The following NCKAP5 variants were observed in gnomAD, a reference collection of about 807,000 sequenced individuals.
NCKAP5 encodes NCK associated protein 5.
In NCKAP5, 92 loss-of-function variants were observed where a neutral mutation model predicts 167.0. The observed-to-expected ratio is 0.55, with a 90% CI of 0.47 to 0.66. The LOEUF (loss-of-function observed/expected upper bound fraction) is 0.66. Among genes scored for constraint, NCKAP5 ranks in the 30% least tolerant of loss-of-function variants. The pLI, the probability that NCKAP5 is intolerant of heterozygous loss-of-function variation, is 0.00. For missense variants in NCKAP5, 2,378 were observed against 2,315.0 expected (o/e 1.03, Z -0.56); for synonymous variants, 891 against 877.4 (o/e 1.02, Z -0.27).
chr2:133,544,070 T>C (rs1365906482), intron 2 of NCKAP5, among the ~76,000 whole-genome samples: 1 of 152,252 alleles, frequency 6.6e-6, no homozygotes, highest in Non-Finnish European at 1.5e-5. Context: ...TAGAAATAGC[T>C]GATGATTTGT....
At chr2:133,356,294 G>A (rs1684712557) in intron 3 of NCKAP5, among the ~76,000 whole-genome samples, 1 of 152,116 alleles carries the variant, frequency 6.6e-6, no homozygotes. Flanking sequence ...CAACCTCTCA[G>A]GGGTACTGTG....
At chr2:133,521,570 G>C (rs1289762388) in intron 2 of NCKAP5, among the ~76,000 whole-genome samples, 1 of 152,218 alleles carries the variant, frequency 6.6e-6, no homozygotes, top group Non-Finnish European at 1.5e-5. Context: ...TGCTAGCAGA[G>C]TTAGTTTCTG....
intron 4 of NCKAP5, among the ~76,000 whole-genome samples, chr2:133,268,607 T>C (rs534701527): frequency 2.0e-5 from 3 of 149,950 alleles, no homozygotes; most frequent in Admixed American, 6.7e-5. Flanking sequence ...CTCAGCCTCC[T>C]GAGTAGCTGG....
chr2:133,134,175 C>A (rs777788418), intron 5 of NCKAP5, among the ~76,000 whole-genome samples: 6 of 152,184 alleles, frequency 3.9e-5, no homozygotes, highest in Non-Finnish European at 8.8e-5. Context: ...CCACAACCAT[C>A]CACATGTGGT....
At chr2:132,849,295 A>T (rs545657526) in intron 11 of NCKAP5, among the ~76,000 whole-genome samples, 1 of 152,262 alleles carries the variant, frequency 6.6e-6, no homozygotes, top group African/African-American at 2.4e-5. Flanking sequence ...AATCCAGGGC[A>T]TTTCCAACTC....
At chr2:132,817,474 C>A (rs1686368091) in intron 11 of NCKAP5, among the ~76,000 whole-genome samples, 1 of 152,078 alleles carries the variant, frequency 6.6e-6, no homozygotes, top group South Asian at 2.1e-4. Context: ...TTTTAAATCT[C>A]ATTTTTCTCA....
the NCKAP5 span, among the ~76,000 whole-genome samples, chr2:133,583,572 A>G: frequency 2.6e-5 from 4 of 152,178 alleles, no homozygotes; most frequent in African/African-American, 7.2e-5. Context: ...CTAATACAAT[A>G]TATAAGGAAG....
intron 3 of NCKAP5, among the ~76,000 whole-genome samples, chr2:133,332,753 C>A (rs1429997777): frequency 1.3e-5 from 2 of 152,164 alleles, no homozygotes; most frequent in African/African-American, 4.8e-5. Context: ...TTTTACCCTG[C>A]TATTTGCTCT....
At chr2:133,314,942 C>G (rs1681494415) in intron 3 of NCKAP5, among the ~76,000 whole-genome samples, 1 of 152,112 alleles carries the variant, frequency 6.6e-6, no homozygotes, top group Non-Finnish European at 1.5e-5. Flanking sequence ...GTAAAGGACT[C>G]TAGGGGCAGG....
chr2:132,673,345 T>C (rs1338963272), intron 19 of NCKAP5, 40 bp from the exon 20 acceptor site: 1 of 1,380,704 alleles, frequency 7.2e-7, no homozygotes, highest in Non-Finnish European at 9.8e-7. Context: ...CATATTTCTT[T>C]GGAAAATCAA....
intron 10 of NCKAP5, among the ~76,000 whole-genome samples, chr2:132,862,696 A>G (rs1690008046): frequency 6.6e-6 from 1 of 150,458 alleles, no homozygotes; most frequent in South Asian, 2.1e-4. Context: ...GGAGGCAAAG[A>G]TTGCCGTCAG....
intron 6 of NCKAP5, among the ~76,000 whole-genome samples, chr2:133,023,508 A>G (rs2078598344): frequency 6.6e-6 from 1 of 152,182 alleles, no homozygotes; most frequent in Non-Finnish European, 1.5e-5. Flanking sequence ...ACATGGGTAT[A>G]TTGCATAAAG....
At chr2:132,948,047 T>A (rs1331937368) in intron 8 of NCKAP5, among the ~76,000 whole-genome samples, 1 of 151,786 alleles carries the variant, frequency 6.6e-6, no homozygotes, top group East Asian at 1.9e-4. Context: ...GCCTCTTGGA[T>A]GCTCAAGGGA....
intron 8 of NCKAP5, among the ~76,000 whole-genome samples, chr2:132,918,264 G>A (rs980562479): frequency 6.6e-6 from 1 of 151,990 alleles, no homozygotes. Flanking sequence ...AGGAAAGGCT[G>A]GTTTTTTTCT....
intron 3 of NCKAP5, among the ~76,000 whole-genome samples, chr2:133,472,534 G>A (rs981333198): frequency 6.6e-6 from 1 of 151,880 alleles, no homozygotes; most frequent in Non-Finnish European, 1.5e-5. Context: ...GGGTTCTCTT[G>A]GGTTTCATGC....
At chr2:133,383,794 T>C (rs989637078) in intron 3 of NCKAP5, among the ~76,000 whole-genome samples, 3 of 152,238 alleles carry the variant, frequency 2.0e-5, no homozygotes, top group African/African-American at 7.2e-5. Context: ...GTGGTTTTGA[T>C]TTGCATTTCT....
chr2:133,355,868 G>A (rs1472204114), intron 3 of NCKAP5, among the ~76,000 whole-genome samples: 1 of 151,846 alleles, frequency 6.6e-6, no homozygotes, highest in African/African-American at 2.4e-5. Flanking sequence ...TGATCTTTGA[G>A]CAAAAGTACC....
Position 132,734,235 on chromosome 2 carries a change from G to C in NCKAP5, c.5129-2184C>G, listed in dbSNP as rs1391169320. Among the ~76,000 whole-genome samples the C allele has an allele frequency of 2.6e-5, 4 of 152,160 alleles. No individual in the cohort carries two copies. In the South Asian group the frequency reaches 8.3e-4, roughly 32 times the overall value. On this transcript the variant is annotated intron_variant, in intron 16 of 19. Transcript: ENST00000409261. ...TGAGAAAGGATCATCTGTTTGCATG[G>C]GGAGGCACTGCCAGATGAGTCAAAG...
chr2:132,920,771 G>GTATATATATGTATA (rs1695334692), intron 8 of NCKAP5, among the ~76,000 whole-genome samples: 1 of 31,570 alleles, frequency 3.2e-5, no homozygotes, highest in African/African-American at 1.1e-4. Context: ...ATATATGTAT[G>GTATATATATGTATA]TATATATATA....
Sources: gnomAD v4.1 joint callset for allele counts (sites outside exome capture counted in the v4.1 genomes callset) on GRCh38, gnomAD v4.1.1 for gene constraint, MANE v1.5 for transcripts, NCBI Gene and HGNC (gene_info 2026-07-23, HGNC 2026-07-21) for gene names.